The following OPA1 variants were observed in gnomAD, a reference collection of about 807,000 sequenced individuals.
OPA1 encodes the protein OPA1 mitochondrial dynamin like GTPase.
In OPA1, 59 loss-of-function variants were observed where a neutral mutation model predicts 152.9. The ratio of observed to expected loss-of-function variants is 0.39; its 90% CI spans 0.31 to 0.48. The LOEUF is 0.48. OPA1 is among the 20% of genes least tolerant of loss of function. OPA1 has a pLI of 0.96. For synonymous variants in OPA1, 400 were observed against 389.9 expected, an observed-to-expected ratio of 1.03 and a Z score of -0.31; for missense variants, 1,008 against 1,216.8, an observed-to-expected ratio of 0.83 and a Z score of 2.55.
chr3:193,688,449 C>CTTTTTTTTTTTTTTTTTTTTT lies in OPA1; in HGVS notation c.2984-3587_2984-3567dup, dbSNP rs766448341. 1.4e-4 allele frequency among the ~76,000 whole-genome samples: 9 copies of CTTTTTTTTTTTTTTTTTTTTT among 63,358 alleles called. 2 individuals carry two copies. Among genetic ancestry groups the CTTTTTTTTTTTTTTTTTTTTT allele is most frequent in the Admixed American group, 2.1e-4 (1 of 4,664 alleles). 41.6% of individuals were successfully genotyped at this position (63,358 alleles called of 152,430 possible). On this transcript the variant is annotated intron_variant, in intron 29 of 30. Transcript: ENST00000361510. The stretch of plus-strand genomic sequence containing the variant: ...TGATTTTTACTGAAATGGGTCTTTT[C>CTTTTTTTTTTTTTTTTTTTTT]TTTTTTTTTTTTTTTTTTTTTTTTT...
At chr3:193,619,972 T>A (rs1729749382) in intron 6 of OPA1, among the ~76,000 whole-genome samples, 1 of 152,226 alleles carries the variant, frequency 6.6e-6, no homozygotes, top group Non-Finnish European at 1.5e-5. Context: ...TGTCAAAATG[T>A]ATGTACGTGT....
At chr3:193,687,448 A>C (rs1721071069) in intron 29 of OPA1, among the ~76,000 whole-genome samples, 1 of 152,242 alleles carries the variant, frequency 6.6e-6, no homozygotes, top group Non-Finnish European at 1.5e-5. Flanking sequence ...TAATTTACCA[A>C]GTAAATCACA....
At chr3:193,672,617 C>G (rs1718174758) in intron 29 of OPA1, among the ~76,000 whole-genome samples, 1 of 152,082 alleles carries the variant, frequency 6.6e-6, no homozygotes. Context: ...GCCTGTAATC[C>G]CAGCACTATG....
chr3:193,627,586 T>C (rs1264964846), intron 7 of OPA1, among the ~76,000 whole-genome samples: 7 of 152,196 alleles, frequency 4.6e-5, no homozygotes, highest in Admixed American at 3.3e-4. Context: ...TAGTTACACA[T>C]TGTTCTTAAG....
Position 193,668,493 on chromosome 3 carries a change from C to T in OPA1, c.2983+1213C>T, listed in dbSNP as rs200824581. The T allele has an allele frequency of 1.4e-5, 21 of 1,550,456 alleles. No homozygotes were observed. In the South Asian group the frequency reaches 2.5e-4, roughly 18 times the overall value. On this transcript the variant is annotated intron_variant, in intron 29 of 30. Coordinates refer to ENST00000361510, the MANE Select transcript of OPA1 (RefSeq NM_130837.3). ...CTGACGCTTTGTGCCAGGTGCCTCT[C>T]CATCTCATCCTTCCCACCCGCTAGC...
In OPA1 at chr3:193,670,559, G is replaced by C. The variant is rs543134409; in HGVS notation, c.2983+3279G>C. Among the ~76,000 whole-genome samples, 12 of 151,926 alleles carry C rather than the reference G, an allele frequency of 7.9e-5. No homozygotes were observed. The East Asian group carries it at 2.3e-3, about 29-fold the overall frequency. ...TTTTTTGTATTTTTAGTAGAGACGGGGTTTCCCCATGTTAGCCAGGATGGT... is the reference window on the plus strand; with the variant it reads ...TTTTTTGTATTTTTAGTAGAGACGGCGTTTCCCCATGTTAGCCAGGATGGT... On this transcript the variant is annotated intron_variant, in intron 29 of 30. Coordinates refer to ENST00000361510, the MANE Select transcript of OPA1 (RefSeq NM_130837.3).
intron 13 of OPA1, 93 bp from the exon 14 acceptor site, chr3:193,643,280 T>C (rs888082436): frequency 9.8e-7 from 1 of 1,015,666 alleles, no homozygotes; most frequent in African/African-American, 1.6e-5. Context: ...ATGGATGAGA[T>C]ATAGAATTTT....
chr3:193,624,864 T>C (rs1260308702), intron 6 of OPA1, among the ~76,000 whole-genome samples: 1 of 152,014 alleles, frequency 6.6e-6, no homozygotes, highest in African/African-American at 2.4e-5. Context: ...TTATATAAAA[T>C]AAAATATTTT....
chr3:193,687,489 T>A (rs1391468478), intron 29 of OPA1, among the ~76,000 whole-genome samples: 6 of 152,226 alleles, frequency 3.9e-5, no homozygotes, highest in Non-Finnish European at 5.9e-5. Context: ...AATATTTAAT[T>A]CAAATATTTA....
chr3:193,646,749 G>C (rs981178029), intron 18 of OPA1, among the ~76,000 whole-genome samples: 2 of 152,106 alleles, frequency 1.3e-5, no homozygotes, highest in Non-Finnish European at 2.9e-5. Context: ...CTCCAGCCCG[G>C]ACGACAGTGC....
intron 21 of OPA1, among the ~76,000 whole-genome samples, chr3:193,652,634 G>A (rs1051602008): frequency 6.6e-6 from 1 of 152,162 alleles, no homozygotes; most frequent in Non-Finnish European, 1.5e-5. Flanking sequence ...TGAGGACAGA[G>A]GACAATCACT....
intron 21 of OPA1, 111 bp downstream of exon 21, chr3:193,648,982 G>C: frequency 3.9e-6 from 3 of 777,780 alleles, no homozygotes; most frequent in Non-Finnish European, 6.7e-6. Context: ...TTGGCTCATA[G>C]GCAAAAACGT....
chr3:193,637,343 A>G (rs1028712447), intron 10 of OPA1, 62 bp downstream of exon 10: 1 of 1,001,044 alleles, frequency 1.0e-6, no homozygotes, highest in Admixed American at 1.7e-5. Context: ...TTAGCTTCCT[A>G]AAAATTATGT....
rs144741453 is a variant in OPA1 at position 193,683,886 on chromosome 3, C to T, written c.2984-8177C>T. Reference sequence around the variant, plus strand: ...ATGTGACTCACTTTATTGTGATATACGCTTTATTGTGGCAGTCTAGAACCA... The same window carrying T: ...ATGTGACTCACTTTATTGTGATATATGCTTTATTGTGGCAGTCTAGAACCA... On this transcript the variant is annotated intron_variant, in intron 29 of 30. Transcript: ENST00000361510. Among the ~76,000 whole-genome samples, 914 of 152,256 alleles carry T rather than the reference C, an allele frequency of 6.0e-3. 10 individuals carry two copies. Among genetic ancestry groups the T allele is most frequent in the African/African-American group, 0.02 (851 of 41,542 alleles).
At position 193,695,289 on chromosome 3, in the gene OPA1, ACT is replaced by A. The variant is rs1014851105; in HGVS notation, c.*694_*695del. On this transcript the variant is annotated 3_prime_UTR_variant, in exon 31 of 31. Coordinates refer to ENST00000361510, the MANE Select transcript of OPA1 (RefSeq NM_130837.3). ...TATTTGATTCAGTTGCTGTTTTCTC[ACT>A]CTCTATATCCATTTGAAATTGATTT... 2.0e-5 allele frequency: 3 copies of A among 152,076 alleles called. No homozygotes were observed. The highest frequency in any genetic ancestry group is 4.4e-5 in the Non-Finnish European group (3 of 67,992). The allele number at this position is 152,076 out of a possible 1,614,324, so 9.4% of individuals were successfully genotyped here.
rs774235901 is a variant in OPA1 at position 193,637,326 on chromosome 3, A to C, written c.1035+45A>C. The C allele has an allele frequency of 3.2e-6, 4 of 1,241,520 alleles. No homozygotes were observed. In the Admixed American group the frequency reaches 5.1e-5, roughly 16 times the overall value. The allele number at this position is 1,241,520 out of a possible 1,614,324, so 76.9% of individuals were successfully genotyped here. A position where few individuals can be genotyped will look rare whatever the true frequency, so the allele number is the denominator to read the frequency against. On this transcript the variant is annotated intron_variant, in intron 10 of 30. Coordinates refer to ENST00000361510, the MANE Select transcript of OPA1 (RefSeq NM_130837.3). ...TGAACTTGCCAATTAGCAAAAAAAGAAGCAGCTTAGCTTCCTAAAAATTAT... is the reference window on the plus strand; with the variant it reads ...TGAACTTGCCAATTAGCAAAAAAAGCAGCAGCTTAGCTTCCTAAAAATTAT...
chr3:193,688,272 C>T (rs1721183199), intron 29 of OPA1, among the ~76,000 whole-genome samples: 1 of 151,998 alleles, frequency 6.6e-6, no homozygotes, highest in African/African-American at 2.4e-5. Context: ...CCATTTTGTA[C>T]TCCTGTATTG....
intron 1 of OPA1, among the ~76,000 whole-genome samples, chr3:193,612,612 A>T (rs1728426178): frequency 6.6e-6 from 1 of 152,106 alleles, no homozygotes; most frequent in South Asian, 2.1e-4. Context: ...AAACTTCTCC[A>T]TTGTGGCCAT....
chr3:193,598,250 C>G (rs1725915045), intron 1 of OPA1, among the ~76,000 whole-genome samples: 1 of 152,080 alleles, frequency 6.6e-6, no homozygotes, highest in Non-Finnish European at 1.5e-5. Context: ...GGTGGAGATA[C>G]AGTAGGTGAA....
Sources: allele counts gnomAD v4.1 joint callset (sites outside exome capture counted in the v4.1 genomes callset), GRCh38; gene constraint gnomAD v4.1.1; transcripts MANE v1.5; gene names NCBI Gene and HGNC (gene_info 2026-07-23, HGNC 2026-07-21).